ZFC3H1: variants seen among roughly 807,000 people sequenced by gnomAD.
The protein encoded by ZFC3H1 is zinc finger C3H1 domain-containing protein.
A neutral mutation model predicts 243.7 loss-of-function variants in ZFC3H1; 71 were observed. The observed-to-expected ratio is 0.29, with a 90% confidence interval of 0.24 to 0.36. The LOEUF is 0.36. Ranked by LOEUF, ZFC3H1 falls within the 10% of genes least tolerant of loss-of-function variation. ZFC3H1 has a pLI of 1.00. For missense variants in ZFC3H1, 1,966 were observed against 2,317.1 expected (o/e 0.85, Z 3.11); for synonymous variants, 838 against 813.0 (o/e 1.03, Z -0.52).
At chr12:71,635,722 G>A (rs1434985844) in intron 9 of ZFC3H1, 142 bp from the exon 10 acceptor site, 8 of 620,560 alleles carry the variant, frequency 1.3e-5, no homozygotes, top group South Asian at 4.2e-5. Context: ...CCACTGAGTC[G>A]ACCAATACTG....
intron 20 of ZFC3H1, 36 bp downstream of exon 20, chr12:71,628,882 T>C: frequency 6.4e-7 from 1 of 1,556,380 alleles, no homozygotes; most frequent in Non-Finnish European, 8.7e-7. Flanking sequence ...CACCACAATT[T>C]AATAATTCTG....
At chr12:71,659,628 C>T (rs1881113295) in intron 1 of ZFC3H1, among the ~76,000 whole-genome samples, 1 of 151,806 alleles carries the variant, frequency 6.6e-6, no homozygotes, top group Non-Finnish European at 1.5e-5. Flanking sequence ...AACAAAAATG[C>T]TAAATAGAAA....
intron 1 of ZFC3H1, among the ~76,000 whole-genome samples, chr12:71,662,187 G>A (rs145744129): frequency 1.2e-3 from 189 of 152,344 alleles, no homozygotes; most frequent in Non-Finnish European, 2.3e-3. Context: ...AGTAAACTCA[G>A]TAATGTTTAA....
chr12:71,626,185 T>G, intron 22 of ZFC3H1, 75 bp downstream of exon 22: 2 of 1,484,390 alleles, frequency 1.3e-6, no homozygotes, highest in Non-Finnish European at 1.8e-6. Flanking sequence ...TACTTATCAA[T>G]TTTTAAGATG....
intron 32 of ZFC3H1, chr12:71,611,427 A>G (rs1212387640): frequency 5.8e-6 from 1 of 172,646 alleles, no homozygotes; most frequent in African/African-American, 2.4e-5. Flanking sequence ...ACACCTTTAA[A>G]AGAAAGAAGA....
intron 1 of ZFC3H1, chr12:71,660,498 G>A (rs1459316472): frequency 2.0e-5 from 3 of 150,880 alleles, no homozygotes; most frequent in Non-Finnish European, 4.4e-5. Flanking sequence ...CACACAAGCA[G>A]ACTGGATATT....
intron 1 of ZFC3H1, among the ~76,000 whole-genome samples, chr12:71,658,062 A>G (rs1308198878): frequency 6.6e-6 from 1 of 152,116 alleles, no homozygotes; most frequent in Non-Finnish European, 1.5e-5. Context: ...GACAAGGGAA[A>G]ATGTTATGAA....
In ZFC3H1 at chr12:71,630,589, T is replaced by A; in HGVS notation, c.3724+11A>T. The stretch of plus-strand genomic sequence containing the variant: ...TTTTCATTTGGGAGAGAATAGGAAG[T>A]CTTTAAAAACCTGCTGAAGCAGTAA... On this transcript the variant is annotated intron_variant, in intron 18 of 34. Transcript: ENST00000378743. The A allele has an allele frequency of 6.3e-7, 1 of 1,595,492 alleles. No individual in the cohort carries two copies. The highest frequency in any genetic ancestry group is 8.5e-7 in the Non-Finnish European group (1 of 1,175,122).
Position 71,631,987 on chromosome 12 carries a change from C to G in ZFC3H1, c.3345G>C (p.Lys1115Asn). 1 of 1,598,510 alleles carries G rather than the reference C, an allele frequency of 6.3e-7. No individual in the cohort carries two copies. Among genetic ancestry groups the G allele is most frequent in the Non-Finnish European group, 8.5e-7 (1 of 1,174,016 alleles). ...GTTCAGTTACCTGACCATGCAAAACCTTCTCTGTAATGCCTGTGGTGGTTT... is the reference window on the plus strand; with the variant it reads ...GTTCAGTTACCTGACCATGCAAAACGTTCTCTGTAATGCCTGTGGTGGTTT... ...ILKTTTGITE[K>N]VLHGQEISVD... Residue 1115 changes from lysine to asparagine, a missense_variant, in exon 15 of 35, where the codon AAG becomes AAC. Around this residue, in one of 4 missense-constraint regions of ZFC3H1, gnomAD observed 1,383 missense variants for 1,723.7 expected, o/e 0.80. Coordinates refer to ENST00000378743, the MANE Select transcript of ZFC3H1 (RefSeq NM_144982.5).
At chr12:71,649,225 T>C (rs548801431) in intron 2 of ZFC3H1, among the ~76,000 whole-genome samples, 2 of 152,280 alleles carry the variant, frequency 1.3e-5, no homozygotes, top group East Asian at 3.9e-4. Flanking sequence ...CTGAGCCATG[T>C]AGGAATACAC....
intron 2 of ZFC3H1, among the ~76,000 whole-genome samples, chr12:71,655,212 C>G (rs1315073802): frequency 6.6e-6 from 1 of 152,052 alleles, no homozygotes; most frequent in Non-Finnish European, 1.5e-5. Flanking sequence ...TCATAGCAAT[C>G]TTATTTTCTG....
At position 71,663,588 on chromosome 12, in the gene ZFC3H1, G is replaced by T. The variant is rs1592608507; in HGVS notation, c.23C>A (p.Ala8Asp). The T allele has an allele frequency of 1.2e-6, 2 of 1,611,238 alleles. No individual in the cohort carries two copies. The highest frequency in any genetic ancestry group is 4.5e-5 in the East Asian group (2 of 44,876). The change falls in exon 1 of 35, where the codon GCC (alanine) becomes GAC (aspartate). Residue 8 changes from alanine (A) to aspartate (D), a missense_variant. By Grantham distance (126) the Ala-to-Asp change is moderately radical. Coordinates refer to ENST00000378743, the MANE Select transcript of ZFC3H1 (RefSeq NM_144982.5). ...CGGCGAGAGGCCACTGGAGGCCGGG[G>T]CCGGAGTATCTGCGGTCGCCATCCG... MATADTP[A>D]PASSGLSPKE...
chr12:71,643,983 T>C, intron 5 of ZFC3H1, 112 bp downstream of exon 5: 1 of 992,860 alleles, frequency 1.0e-6, no homozygotes, highest in Non-Finnish European at 1.5e-6. Flanking sequence ...CTACCTTCCT[T>C]TTTTCCAAGA....
chr12:71,637,952 G>A (rs578010643), intron 7 of ZFC3H1, among the ~76,000 whole-genome samples: 15 of 151,896 alleles, frequency 9.9e-5, no homozygotes, highest in African/African-American at 3.4e-4. Context: ...ACTGGAGATG[G>A]GGGGGAAAAG....
chr12:71,611,896 T>C lies in ZFC3H1; in HGVS notation c.5628-9A>G, dbSNP rs761690356. Reference sequence around the variant, plus strand: ...ATTCATGTTGAAGTAACCTGTAAAGTACATTCAGGAAAATGAACAAAGCAT... The same window carrying C: ...ATTCATGTTGAAGTAACCTGTAAAGCACATTCAGGAAAATGAACAAAGCAT... On this transcript the variant is annotated splice_polypyrimidine_tract_variant and intron_variant, in intron 31 of 34. Transcript: ENST00000378743. 2.6e-6 allele frequency: 4 copies of C among 1,568,186 alleles called. No individual in the cohort carries two copies. The highest frequency in any genetic ancestry group is 1.7e-5 in the Admixed American group (1 of 57,322).
chr12:71,633,502 A>G (rs1880377089), intron 12 of ZFC3H1, 64 bp from the exon 13 acceptor site: 1 of 1,366,562 alleles, frequency 7.3e-7, no homozygotes, highest in Non-Finnish European at 9.9e-7. Flanking sequence ...TCAGAATAAA[A>G]AAATTTTCAA....
Position 71,626,442 on chromosome 12 carries a change from A to G in ZFC3H1, c.4135T>C (p.Cys1379Arg), listed in dbSNP as rs754070748. The part of the protein sequence containing the change: ...YKYLNQNEGE[C>R]SESLDSALNV... The stretch of plus-strand genomic sequence containing the variant: ...AAAGCAGAATCCAAGGATTCTGAGC[A>G]CTCCCTGTATATATAAAAGAAAAGG... Residue 1379 changes from cysteine to arginine, a missense_variant, in exon 22 of 35, where the codon TGC (cysteine) becomes CGC (arginine). By Grantham distance (180) the Cys-to-Arg change is radical (BLOSUM62 -3). This residue lies in a region of ZFC3H1 where 1,383 missense variants were observed against 1,723.7 expected (regional missense o/e 0.80). Coordinates refer to ENST00000378743, the MANE Select transcript of ZFC3H1 (RefSeq NM_144982.5). The G allele has an allele frequency of 2.5e-6, 4 of 1,612,738 alleles. No homozygotes were observed. The South Asian group carries it at 4.4e-5, about 18-fold the overall frequency.
intron 24 of ZFC3H1, 26 bp from the exon 25 acceptor site, chr12:71,620,341 GAATCACGTC>G: frequency 6.2e-7 from 1 of 1,604,554 alleles, no homozygotes; most frequent in Non-Finnish European, 8.5e-7. Context: ...ACAACAACAT[GAATCACGTC>G]AATCATAAAA....
intron 2 of ZFC3H1, chr12:71,656,618 A>C: frequency 1.6e-6 from 1 of 611,422 alleles, no homozygotes; most frequent in Non-Finnish European, 2.8e-6. Context: ...ATTTTCTTTA[A>C]ATTAGGAAAC....
Sources: allele counts gnomAD v4.1 joint callset (sites outside exome capture counted in the v4.1 genomes callset), GRCh38; gene constraint gnomAD v4.1.1; regional missense constraint gnomAD v4.1.1; transcripts MANE v1.5; gene names NCBI Gene and HGNC (gene_info 2026-07-23, HGNC 2026-07-21).